TXNDC8: variants seen among roughly 807,000 people sequenced by gnomAD.
TXNDC8 encodes thioredoxin domain-containing protein 8.
A neutral mutation model predicts 12.9 loss-of-function variants in TXNDC8; 15 were observed. The ratio of observed to expected loss-of-function variants is 1.16; its 90% CI spans 0.78 to 1.79. The LOEUF (loss-of-function observed/expected upper bound fraction) is 1.79. Among genes scored for constraint, TXNDC8 ranks in the 40% most tolerant of loss-of-function variants. The pLI, the probability that TXNDC8 is intolerant of heterozygous loss-of-function variation, is 0.00. For synonymous variants in TXNDC8, 40 were observed against 35.4 expected, an observed-to-expected ratio of 1.13 and a Z score of -0.46; for missense variants, 128 against 113.2, an observed-to-expected ratio of 1.13 and a Z score of -0.59.
In TXNDC8 at chr9:110,331,970, C is replaced by T. The variant is rs996393336; in HGVS notation, c.129+2246G>A. 4.1e-4 allele frequency among the ~76,000 whole-genome samples: 63 copies of T among 152,268 alleles called. 1 individual carries two copies. The highest frequency in any genetic ancestry group is 1.5e-3 in the African/African-American group (62 of 41,560). On this transcript the variant is annotated intron_variant, in intron 2 of 4. Coordinates refer to ENST00000423740, the MANE Select transcript of TXNDC8 (RefSeq NM_001286946.2). The stretch of plus-strand genomic sequence containing the variant: ...AGTCTTCCTCCAACCCCCTCATATA[C>T]TATGAGTTAAAAAAAATTACACACA...
intron 3 of TXNDC8, among the ~76,000 whole-genome samples, chr9:110,317,927 G>T (rs1347225124): frequency 6.6e-6 from 1 of 152,180 alleles, no homozygotes; most frequent in Non-Finnish European, 1.5e-5. Context: ...GACGGACTTT[G>T]TTATATATTC....
At chr9:110,309,261 G>A (rs190995564) in intron 3 of TXNDC8, among the ~76,000 whole-genome samples, 1 of 152,242 alleles carries the variant, frequency 6.6e-6, no homozygotes, top group East Asian at 1.9e-4. Context: ...GGGCCTCAAG[G>A]GAGTATCTGG....
chr9:110,308,704 C>T (rs1838551014), intron 3 of TXNDC8, among the ~76,000 whole-genome samples: 1 of 152,122 alleles, frequency 6.6e-6, no homozygotes. Flanking sequence ...TACTTTCCTT[C>T]TACCACGTAC....
chr9:110,312,011 A>C (rs1838708620), intron 3 of TXNDC8, among the ~76,000 whole-genome samples: 2 of 151,524 alleles, frequency 1.3e-5, no homozygotes, highest in South Asian at 4.2e-4. Flanking sequence ...GGGAGAGCTG[A>C]AATGTTTATG....
At chr9:110,334,192 G>C (rs1259196553) in intron 2 of TXNDC8, 24 bp downstream of exon 2, 1 of 1,483,486 alleles carries the variant, frequency 6.7e-7, no homozygotes, top group South Asian at 1.3e-5. Flanking sequence ...CTGAAACTAT[G>C]AGATATATAC....
Position 110,306,245 on chromosome 9 carries a change from A to T in TXNDC8, c.196-1713T>A, listed in dbSNP as rs145017803. On this transcript the variant is annotated intron_variant, in intron 3 of 4. Coordinates refer to ENST00000423740, the MANE Select transcript of TXNDC8 (RefSeq NM_001286946.2). ...AGCTCTGCATCCTTGACAACACTTG[A>T]TATTGCCAGTCTTTTTCATGTTAAC... Among the ~76,000 whole-genome samples, 50 of 152,282 alleles carry T rather than the reference A, an allele frequency of 3.3e-4. 1 individual carries two copies. Among genetic ancestry groups the T allele is most frequent in the African/African-American group, 1.0e-3 (42 of 41,560 alleles).
intron 3 of TXNDC8, among the ~76,000 whole-genome samples, chr9:110,319,392 T>C (rs936147973): frequency 6.6e-6 from 1 of 152,222 alleles, no homozygotes; most frequent in Non-Finnish European, 1.5e-5. Context: ...AGCTAGATCC[T>C]GGGACTCTAA....
At chr9:110,315,023 G>T (rs1453011676) in intron 3 of TXNDC8, among the ~76,000 whole-genome samples, 1 of 152,090 alleles carries the variant, frequency 6.6e-6, no homozygotes, top group Non-Finnish European at 1.5e-5. Flanking sequence ...CTTTTATTAT[G>T]AACATTTTCA....
chr9:110,305,506 C>G (rs1049414863), intron 3 of TXNDC8, among the ~76,000 whole-genome samples: 2 of 152,144 alleles, frequency 1.3e-5, no homozygotes, highest in Non-Finnish European at 2.9e-5. Flanking sequence ...TCAGTAGAAG[C>G]TACCCCACAG....
chr9:110,310,684 T>C (rs1012439163), intron 3 of TXNDC8, among the ~76,000 whole-genome samples: 60 of 152,192 alleles, frequency 3.9e-4, no homozygotes, highest in African/African-American at 1.4e-3. Flanking sequence ...TTAAGTAAAA[T>C]CTTTAATAAA....
chr9:110,323,329 A>G (rs1483261540), intron 3 of TXNDC8: 1 of 985,478 alleles, frequency 1.0e-6, no homozygotes, highest in Non-Finnish European at 1.2e-6. Flanking sequence ...AGAGGAGAGC[A>G]TAGGGAGGGA....
intron 3 of TXNDC8, among the ~76,000 whole-genome samples, chr9:110,308,726 T>C (rs541995670): frequency 6.6e-4 from 100 of 152,308 alleles, no homozygotes; most frequent in African/African-American, 2.2e-3. Flanking sequence ...TCCTTCCCCT[T>C]TGCCACCTGC....
chr9:110,316,168 G>A (rs10122165), intron 3 of TXNDC8, among the ~76,000 whole-genome samples: 2 of 151,238 alleles, frequency 1.3e-5, no homozygotes, highest in African/African-American at 4.9e-5. Flanking sequence ...TGCCTGCCTC[G>A]GCCTCCCAAA....
intron 3 of TXNDC8, among the ~76,000 whole-genome samples, chr9:110,307,482 G>A (rs1838512015): frequency 6.6e-6 from 1 of 152,200 alleles, no homozygotes; most frequent in Non-Finnish European, 1.5e-5. Context: ...TTACTGATAA[G>A]AGCTTATTGC....
intron 3 of TXNDC8, among the ~76,000 whole-genome samples, chr9:110,317,428 T>C (rs1838926838): frequency 6.6e-6 from 1 of 152,220 alleles, no homozygotes; most frequent in Admixed American, 6.5e-5. Context: ...GTGCCTATCC[T>C]CTCTCCTTTT....
At chr9:110,301,673 G>A (rs76312444), downstream of TXNDC8, among the ~76,000 whole-genome samples, 1,838 of 152,208 alleles carry the variant, frequency 0.012, 48 homozygotes, top group African/African-American at 0.042. Context: ...TTTCCAGCAC[G>A]AAGACTGGAA....
downstream of TXNDC8, among the ~76,000 whole-genome samples, chr9:110,302,310 A>G (rs1838286988): frequency 6.6e-6 from 1 of 151,542 alleles, no homozygotes; most frequent in African/African-American, 2.4e-5. Context: ...TAATTTGTCT[A>G]TTTTTTGTAG....
intron 3 of TXNDC8, among the ~76,000 whole-genome samples, chr9:110,310,922 A>G: frequency 6.6e-6 from 1 of 152,260 alleles, no homozygotes; most frequent in East Asian, 1.9e-4. Context: ...TATTGGTTTA[A>G]TGAAAATAGT....
At chr9:110,323,328 C>A in intron 3 of TXNDC8, 1 of 985,356 alleles carries the variant, frequency 1.0e-6, no homozygotes, top group South Asian at 4.7e-5. Context: ...CAGAGGAGAG[C>A]ATAGGGAGGG....
Sources: gnomAD v4.1 joint callset for allele counts (sites outside exome capture counted in the v4.1 genomes callset) on GRCh38, gnomAD v4.1.1 for gene constraint, MANE v1.5 for transcripts, NCBI Gene and HGNC (gene_info 2026-07-23, HGNC 2026-07-21) for gene names.